WDR49: variants seen among roughly 807,000 people sequenced by gnomAD.
WDR49 encodes the protein cilia- and flagella-associated protein 337.
In WDR49, 107 loss-of-function variants were observed where a neutral mutation model predicts 119.5. The ratio of observed to expected loss-of-function variants is 0.90; its 90% CI spans 0.77 to 1.05. WDR49 has a LOEUF of 1.05. WDR49 is among the 50% of genes least tolerant of loss of function. The probability of loss-of-function intolerance (pLI) is 0.00; values close to 1 mark genes in which losing one functional copy is unlikely to be tolerated. For missense variants in WDR49, 1,240 were observed against 1,220.5 expected (o/e 1.02, Z -0.24); for synonymous variants, 425 against 418.8 (o/e 1.01, Z -0.18).
intron 2 of WDR49, among the ~76,000 whole-genome samples, chr3:167,634,302 T>C (rs1717514063): frequency 1.3e-5 from 2 of 151,948 alleles, no homozygotes; most frequent in Non-Finnish European, 1.5e-5. Context: ...CTCTTCCTAG[T>C]ACAATGTTTT....
At chr3:167,533,052 A>T (rs1251470553) in intron 11 of WDR49, 75 bp from the exon 12 acceptor site, 24 of 1,059,628 alleles carry the variant, frequency 2.3e-5, no homozygotes, top group Non-Finnish European at 3.3e-5. Context: ...CAATCAGAAG[A>T]AGTTATTAGC....
At chr3:167,527,478 T>C (rs1752677409) in intron 15 of WDR49, among the ~76,000 whole-genome samples, 1 of 152,150 alleles carries the variant, frequency 6.6e-6, no homozygotes, top group Admixed American at 6.6e-5. Flanking sequence ...TAATCACCTG[T>C]CTTTTTAGTT....
At chr3:167,480,939 G>A (rs975835302) in intron 18 of WDR49, among the ~76,000 whole-genome samples, 1 of 151,978 alleles carries the variant, frequency 6.6e-6, no homozygotes, top group Non-Finnish European at 1.5e-5. Flanking sequence ...ATGAGTCAGG[G>A]CTACCTGTAT....
chr3:167,633,411 G>T (rs1177527728), intron 2 of WDR49: 3 of 455,220 alleles, frequency 6.6e-6, no homozygotes, highest in Non-Finnish European at 1.3e-5. Context: ...AAGTTTACCT[G>T]TTCCCAGAAC....
intron 8 of WDR49, among the ~76,000 whole-genome samples, chr3:167,573,073 A>G (rs187349572): frequency 3.3e-5 from 5 of 152,332 alleles, no homozygotes; most frequent in Admixed American, 2.6e-4. Context: ...ATAAAGCAGC[A>G]ACATTCGCCC....
intron 7 of WDR49, among the ~76,000 whole-genome samples, chr3:167,586,893 T>A (rs1236492169): frequency 6.6e-6 from 1 of 152,188 alleles, no homozygotes; most frequent in Non-Finnish European, 1.5e-5. Context: ...AAGACATTTT[T>A]TCACTTGCTT....
chr3:167,573,885 A>T (rs896766765), intron 8 of WDR49, among the ~76,000 whole-genome samples: 21 of 152,158 alleles, frequency 1.4e-4, no homozygotes, highest in African/African-American at 4.3e-4. Flanking sequence ...CCCTCTCTCC[A>T]AAAATGCACC....
chr3:167,620,301 C>A (rs749190803), intron 5 of WDR49, 128 bp downstream of exon 5: 20 of 971,724 alleles, frequency 2.1e-5, no homozygotes, highest in African/African-American at 8.5e-5. Flanking sequence ...GAGTCCAGGC[C>A]ACAACCTCCA....
intron 8 of WDR49, among the ~76,000 whole-genome samples, chr3:167,572,858 A>AAACT (rs1714014952): frequency 6.6e-6 from 1 of 152,206 alleles, no homozygotes; most frequent in Admixed American, 6.5e-5. Context: ...TTACAAGACG[A>AAACT]AACTGCAATG....
At position 167,577,279 on chromosome 3, in the gene WDR49, GT is replaced by G. The variant is rs1714297485; in HGVS notation, c.1276-1129del. On this transcript the variant is annotated intron_variant, in intron 7 of 18. Coordinates refer to ENST00000682715, the MANE Select transcript of WDR49 (RefSeq NM_001366157.1). Reference sequence around the variant, plus strand: ...ATGAGCTTCACAGGTGTGAGTGTTGGTGCTATCAGTAGTGGTACAGAATTAA... The same window carrying G: ...ATGAGCTTCACAGGTGTGAGTGTTGGGCTATCAGTAGTGGTACAGAATTAA... Among the ~76,000 whole-genome samples, 7 of 152,236 alleles carry G rather than the reference GT, an allele frequency of 4.6e-5. 1 individual carries two copies. In the South Asian group the frequency reaches 1.5e-3, roughly 32 times the overall value.
At chr3:167,639,522 A>C (rs1465940887) in intron 2 of WDR49, among the ~76,000 whole-genome samples, 1 of 151,818 alleles carries the variant, frequency 6.6e-6, no homozygotes, top group Non-Finnish European at 1.5e-5. Flanking sequence ...GGTCATCAAC[A>C]AACCAGAAAA....
intron 7 of WDR49, among the ~76,000 whole-genome samples, chr3:167,595,352 G>T (rs1423513366): frequency 6.6e-6 from 1 of 151,864 alleles, no homozygotes; most frequent in African/African-American, 2.4e-5. Context: ...TTTCCTCACA[G>T]AATTGGAAAA....
intron 2 of WDR49, among the ~76,000 whole-genome samples, chr3:167,633,224 A>T (rs1717454660): frequency 6.6e-6 from 1 of 151,976 alleles, no homozygotes; most frequent in Admixed American, 6.6e-5. Flanking sequence ...CCCAGAGAAT[A>T]GGTGCAGGAG....
chr3:167,518,537 G>T (rs1220407377), intron 16 of WDR49, among the ~76,000 whole-genome samples: 1 of 151,570 alleles, frequency 6.6e-6, no homozygotes, highest in African/African-American at 2.4e-5. Context: ...GTCTTCTTTT[G>T]AGAAGTGTCT....
chr3:167,621,430 A>C (rs1716862470), intron 4 of WDR49, 37 bp downstream of exon 4: 4 of 1,445,506 alleles, frequency 2.8e-6, no homozygotes, highest in Middle Eastern at 1.8e-4. Context: ...TTGATGATTA[A>C]ATCCATAGTA....
intron 5 of WDR49, among the ~76,000 whole-genome samples, chr3:167,611,751 T>C (rs1716349999): frequency 6.6e-6 from 1 of 152,132 alleles, no homozygotes; most frequent in Non-Finnish European, 1.5e-5. Flanking sequence ...AACATCACCA[T>C]GTAATGATAA....
intron 16 of WDR49, among the ~76,000 whole-genome samples, chr3:167,517,278 C>T (rs925076773): frequency 2.6e-5 from 4 of 152,022 alleles, no homozygotes; most frequent in East Asian, 1.9e-4. Context: ...CTGTACTACA[C>T]GGCTACAGTA....
At chr3:167,506,452 T>C (rs960018804) in intron 16 of WDR49, among the ~76,000 whole-genome samples, 1 of 152,222 alleles carries the variant, frequency 6.6e-6, no homozygotes, top group African/African-American at 2.4e-5. Flanking sequence ...TTTTAAAAGA[T>C]TTTAAAATAT....
At chr3:167,573,195 T>G (rs560172548) in intron 8 of WDR49, among the ~76,000 whole-genome samples, 1 of 152,036 alleles carries the variant, frequency 6.6e-6, no homozygotes, top group South Asian at 2.1e-4. Context: ...GCACGTGCTA[T>G]TCCCATTACT....
Sources: allele counts gnomAD v4.1 joint callset (sites outside exome capture counted in the v4.1 genomes callset), GRCh38; gene constraint gnomAD v4.1.1; transcripts MANE v1.5; gene names NCBI Gene and HGNC (gene_info 2026-07-23, HGNC 2026-07-21).